Variants in PLPP1 observed in about 807,000 individuals in gnomAD.
PLPP1 encodes the protein phospholipid phosphatase 1.
PLPP1 carries 24 observed loss-of-function variants against 31.2 expected under a neutral mutation model. That is an observed-to-expected ratio of 0.77 (90% confidence interval 0.56 to 1.08). PLPP1 has a LOEUF of 1.08. Ranked by LOEUF, PLPP1 falls within the 50% of genes least tolerant of loss-of-function variation. The pLI, the probability that PLPP1 is intolerant of heterozygous loss-of-function variation, is 0.00. For missense variants in PLPP1, 319 were observed against 342.7 expected (o/e 0.93, Z 0.55); for synonymous variants, 146 against 126.3 (o/e 1.16, Z -1.05).
At chr5:55,514,704 C>G (rs1429027545) in intron 1 of PLPP1, among the ~76,000 whole-genome samples, 3 of 152,032 alleles carry the variant, frequency 2.0e-5, no homozygotes, top group African/African-American at 4.8e-5. Flanking sequence ...AAATATAAGG[C>G]ATACATGCCA....
At chr5:55,527,106 C>T (rs148260922) in intron 1 of PLPP1, among the ~76,000 whole-genome samples, 98 of 152,038 alleles carry the variant, frequency 6.4e-4, no homozygotes, top group African/African-American at 2.1e-3. Context: ...ATAAATGTTA[C>T]GAGAAAAGGG....
At chr5:55,429,923 C>A (rs1344964606) in intron 4 of PLPP1, among the ~76,000 whole-genome samples, 3 of 152,126 alleles carry the variant, frequency 2.0e-5, no homozygotes, top group African/African-American at 7.2e-5. Flanking sequence ...CCTACCACAG[C>A]CAAGCCCTAT....
At chr5:55,487,169 A>T (rs1196627198) in intron 1 of PLPP1, among the ~76,000 whole-genome samples, 1 of 152,198 alleles carries the variant, frequency 6.6e-6, no homozygotes, top group Non-Finnish European at 1.5e-5. Flanking sequence ...TAAGTTTTCT[A>T]TCCTGAAACT....
intron 1 of PLPP1, among the ~76,000 whole-genome samples, chr5:55,512,867 T>C (rs549909049): frequency 1.3e-5 from 2 of 152,218 alleles, no homozygotes; most frequent in Non-Finnish European, 2.9e-5. Flanking sequence ...CACTGTATTT[T>C]AGTGGTCTTT....
intron 1 of PLPP1, among the ~76,000 whole-genome samples, chr5:55,488,326 TGTG>T (rs1432041299): frequency 1.3e-5 from 2 of 151,526 alleles, no homozygotes; most frequent in Non-Finnish European, 2.9e-5. Flanking sequence ...AAACTAAATC[TGTG>T]GTGTGCTCAT....
At chr5:55,504,777 T>C (rs2111892057) in intron 1 of PLPP1, among the ~76,000 whole-genome samples, 1 of 151,698 alleles carries the variant, frequency 6.6e-6, no homozygotes, top group Admixed American at 6.6e-5. Flanking sequence ...ACTTGATATT[T>C]CCACTTTTGA....
chr5:55,527,526 T>C (rs191466038), intron 1 of PLPP1, among the ~76,000 whole-genome samples: 2 of 152,296 alleles, frequency 1.3e-5, no homozygotes, highest in East Asian at 3.9e-4. Flanking sequence ...CTGTAATTGG[T>C]GTTTAATGCA....
intron 4 of PLPP1, among the ~76,000 whole-genome samples, chr5:55,434,592 A>T (rs1751447994): frequency 6.6e-6 from 1 of 152,294 alleles, no homozygotes; most frequent in African/African-American, 2.4e-5. Flanking sequence ...GTCAGCAACC[A>T]ATGAAACAGA....
chr5:55,510,345 G>C (rs1753378510), intron 1 of PLPP1, among the ~76,000 whole-genome samples: 1 of 152,112 alleles, frequency 6.6e-6, no homozygotes, highest in South Asian at 2.1e-4. Flanking sequence ...ATGACATATA[G>C]GATAGAGAAC....
At chr5:55,501,080 C>T (rs1753132887) in intron 1 of PLPP1, among the ~76,000 whole-genome samples, 3 of 152,098 alleles carry the variant, frequency 2.0e-5, no homozygotes, top group East Asian at 1.9e-4. Context: ...GTTGGGAGGC[C>T]GAGGCGGGCG....
rs920420095 is a variant in PLPP1, at chr5:55,425,670, A to C, written c.726+193T>G. The C allele has an allele frequency of 1.2e-3, 615 of 517,940 alleles. 2 individuals are homozygous for C. Among genetic ancestry groups the C allele is most frequent in the Non-Finnish European group, 1.7e-3 (528 of 316,196 alleles). 32.1% of individuals were successfully genotyped at this position (517,940 alleles called of 1,614,324 possible). On this transcript the variant is annotated intron_variant, in intron 5 of 5. Coordinates refer to ENST00000307259, the MANE Select transcript of PLPP1 (RefSeq NM_003711.4). Reference sequence around the variant, plus strand: ...AATAAAAATACTAAGATTTTACAAAACTACTAAGTTTTAGAAAGAGCAACC... The same window carrying C: ...AATAAAAATACTAAGATTTTACAAACCTACTAAGTTTTAGAAAGAGCAACC...
chr5:55,531,051 G>T (rs1198452219), intron 1 of PLPP1, among the ~76,000 whole-genome samples: 1 of 152,212 alleles, frequency 6.6e-6, no homozygotes, highest in Non-Finnish European at 1.5e-5. Context: ...CATGCGCTCA[G>T]ATAATGTATA....
intron 1 of PLPP1, among the ~76,000 whole-genome samples, chr5:55,494,496 A>G (rs1446023133): frequency 6.6e-6 from 1 of 152,150 alleles, no homozygotes; most frequent in Admixed American, 6.5e-5. Flanking sequence ...CTTTGGGGCA[A>G]TCTGGCACCT....
intron 1 of PLPP1, among the ~76,000 whole-genome samples, chr5:55,518,870 T>C (rs1579982047): frequency 6.6e-6 from 1 of 152,162 alleles, no homozygotes; most frequent in Non-Finnish European, 1.5e-5. Flanking sequence ...TTACAATCAG[T>C]AAATGAAGCA....
chr5:55,426,830 C>G (rs1228461721), intron 4 of PLPP1, among the ~76,000 whole-genome samples: 2 of 152,142 alleles, frequency 1.3e-5, no homozygotes, highest in Non-Finnish European at 2.9e-5. Flanking sequence ...CTTCTACCCT[C>G]AAATTGTTTA....
intron 3 of PLPP1, among the ~76,000 whole-genome samples, chr5:55,451,841 A>G (rs770469589): frequency 2.0e-5 from 3 of 152,152 alleles, no homozygotes; most frequent in Non-Finnish European, 4.4e-5. Flanking sequence ...GATTATAGGC[A>G]TGAGCCACTT....
At chr5:55,510,142 G>A (rs1249985026) in intron 1 of PLPP1, among the ~76,000 whole-genome samples, 1 of 152,082 alleles carries the variant, frequency 6.6e-6, no homozygotes, top group Non-Finnish European at 1.5e-5. Context: ...ATGGAACTAG[G>A]GTTAGAAGTG....
chr5:55,467,290 T>C (rs961644348), intron 3 of PLPP1, among the ~76,000 whole-genome samples: 2 of 152,210 alleles, frequency 1.3e-5, no homozygotes, highest in East Asian at 1.9e-4. Flanking sequence ...TATTGGAACA[T>C]AGCCACATTA....
intron 1 of PLPP1, among the ~76,000 whole-genome samples, chr5:55,480,331 G>GTA (rs1177056107): frequency 1.3e-5 from 2 of 150,970 alleles, no homozygotes; most frequent in East Asian, 1.9e-4. Context: ...TCCATTCTAA[G>GTA]TATACATATA....
Sources: allele counts gnomAD v4.1 joint callset (sites outside exome capture counted in the v4.1 genomes callset), GRCh38; gene constraint gnomAD v4.1.1; transcripts MANE v1.5; gene names NCBI Gene and HGNC (gene_info 2026-07-23, HGNC 2026-07-21).